Variants in LRRC37A2 observed in about 807,000 individuals in gnomAD.
LRRC37A2 encodes leucine-rich repeat-containing protein 37A2.
A neutral mutation model predicts 68.8 loss-of-function variants in LRRC37A2; 9 were observed. The ratio of observed to expected loss-of-function variants is 0.13; its 90% CI spans 0.08 to 0.23. LRRC37A2 has a LOEUF of 0.23. Among genes scored for constraint, LRRC37A2 ranks in the 10% least tolerant of loss-of-function variants. LRRC37A2 has a pLI of 1.00. For synonymous variants in LRRC37A2, 63 were observed against 367.6 expected (o/e 0.17, Z 9.48); for missense variants, 168 against 950.4 (o/e 0.18, Z 10.82).
chr17:46,861,995 C>A, the LRRC37A2 span, among the ~76,000 whole-genome samples: 140 of 152,028 alleles, frequency 9.2e-4, 1 homozygote, highest in African/African-American at 3.3e-3. Flanking sequence ...GAAACCCCAT[C>A]TCTACTAAAA....
chr17:46,753,931 G>A, the LRRC37A2 span, among the ~76,000 whole-genome samples: 2 of 152,164 alleles, frequency 1.3e-5, no homozygotes, highest in African/African-American at 4.8e-5. Context: ...TTCACTACAT[G>A]CTATTCTGTT....
the LRRC37A2 span, chr17:46,774,005 A>C: frequency 6.6e-7 from 1 of 1,511,580 alleles, no homozygotes; most frequent in Non-Finnish European, 8.9e-7. Context: ...GGGTAGGTGG[A>C]GAGGCAGAGG....
At chr17:46,859,555 T>A in the LRRC37A2 span, among the ~76,000 whole-genome samples, 1 of 152,174 alleles carries the variant, frequency 6.6e-6, no homozygotes, top group Non-Finnish European at 1.5e-5. Context: ...TTAAAAAAAA[T>A]TTTTCCCCAA....
the LRRC37A2 span, among the ~76,000 whole-genome samples, chr17:46,954,322 G>A: frequency 2.3e-3 from 353 of 152,228 alleles, 2 homozygotes; most frequent in African/African-American, 8.3e-3. Context: ...TTTTTGTCAG[G>A]TTTGTCAAAG....
At chr17:46,490,639 G>A in the LRRC37A2 span, among the ~76,000 whole-genome samples, 39 of 149,148 alleles carry the variant, frequency 2.6e-4, 3 homozygotes, top group African/African-American at 9.7e-4. Context: ...CAGGAGAATC[G>A]CTTAAACTCA....
chr17:46,936,858 C>T, the LRRC37A2 span: 1 of 980,986 alleles, frequency 1.0e-6, no homozygotes, highest in Non-Finnish European at 1.2e-6. Flanking sequence ...GCTGAGGCTT[C>T]TTAATTGCTT....
the LRRC37A2 span, among the ~76,000 whole-genome samples, chr17:46,903,883 G>C: frequency 5.1e-4 from 77 of 151,962 alleles, no homozygotes; most frequent in African/African-American, 1.8e-3. Flanking sequence ...TGGGTGGGTA[G>C]ATGGATGAAT....
the LRRC37A2 span, among the ~76,000 whole-genome samples, chr17:47,003,486 C>G: frequency 2.0e-5 from 3 of 152,240 alleles, no homozygotes; most frequent in Non-Finnish European, 4.4e-5. Flanking sequence ...AGTGGCTGGC[C>G]ACTCCATGCA....
chr17:46,800,902 TGA>T, the LRRC37A2 span, among the ~76,000 whole-genome samples: 2 of 152,068 alleles, frequency 1.3e-5, no homozygotes, highest in African/African-American at 4.8e-5. Context: ...ATTTCAAGAC[TGA>T]ACAGGAGTTT....
the LRRC37A2 span, chr17:46,940,546 G>GT: frequency 4.3e-6 from 7 of 1,614,136 alleles, no homozygotes; most frequent in Non-Finnish European, 5.1e-6. Flanking sequence ...AGGCTGTCCT[G>GT]TCCCCCAGGC....
At chr17:46,837,083 C>T in the LRRC37A2 span, among the ~76,000 whole-genome samples, 1 of 152,128 alleles carries the variant, frequency 6.6e-6, no homozygotes, top group Non-Finnish European at 1.5e-5. Context: ...GCTAGGACTA[C>T]AGGCACTCGC....
At chr17:46,853,862 G>A in the LRRC37A2 span, among the ~76,000 whole-genome samples, 6 of 152,078 alleles carry the variant, frequency 3.9e-5, no homozygotes, top group Non-Finnish European at 7.4e-5. Context: ...GAGAGGAGAG[G>A]GGTTCCAGGA....
At chr17:46,833,572 T>G in the LRRC37A2 span, 1 of 385,336 alleles carries the variant, frequency 2.6e-6, no homozygotes. Context: ...AACCCCAGTC[T>G]CCTGCTCAGT....
the LRRC37A2 span, chr17:46,936,305 T>C: frequency 4.1e-6 from 4 of 985,216 alleles, no homozygotes; most frequent in Non-Finnish European, 4.8e-6. Context: ...GTCACACTGA[T>C]GAAGAGCCAG....
At chr17:46,985,286 T>C in the LRRC37A2 span, among the ~76,000 whole-genome samples, 1 of 152,112 alleles carries the variant, frequency 6.6e-6, no homozygotes, top group Non-Finnish European at 1.5e-5. Context: ...TTTGGGAGGC[T>C]GAGGCAGGTG....
At chr17:46,964,915 A>C in the LRRC37A2 span, 1 of 152,220 alleles carries the variant, frequency 6.6e-6, no homozygotes. Flanking sequence ...CTCTAACTGC[A>C]AGGCTTTGAC....
At chr17:46,897,502 G>GGGCTCA in the LRRC37A2 span, among the ~76,000 whole-genome samples, 1 of 152,160 alleles carries the variant, frequency 6.6e-6, no homozygotes, top group African/African-American at 2.4e-5. Flanking sequence ...AGGTTACCAT[G>GGGCTCA]AGCCAGTATT....
At chr17:46,768,622 C>T in the LRRC37A2 span, 1 of 1,614,182 alleles carries the variant, frequency 6.2e-7, no homozygotes, top group Non-Finnish European at 8.5e-7. The surrounding 1 kb of genome is among the most constrained non-coding windows in gnomAD (Gnocchi z 5.0). Context: ...AGGGTCTCCA[C>T]CCAGCCTCGG....
chr17:46,858,374 T>G, the LRRC37A2 span, among the ~76,000 whole-genome samples: 1 of 152,242 alleles, frequency 6.6e-6, no homozygotes, highest in Non-Finnish European at 1.5e-5. Context: ...TGTATCAACC[T>G]TTTCTTGTAT....
Sources: allele counts gnomAD v4.1 joint callset (sites outside exome capture counted in the v4.1 genomes callset), GRCh38; gene constraint gnomAD v4.1.1; non-coding constraint Gnocchi (gnomAD v3.1); transcripts MANE v1.5; gene names NCBI Gene and HGNC (gene_info 2026-07-23, HGNC 2026-07-21).